Variants in GAB1 observed in about 807,000 individuals in gnomAD.
GAB1 encodes GRB2 associated binding protein 1, also known as GRB2-associated-binding protein 1.
A neutral mutation model predicts 66.5 loss-of-function variants in GAB1; 19 were observed. The ratio of observed to expected loss-of-function variants is 0.29; its 90% CI spans 0.20 to 0.42. The LOEUF (loss-of-function observed/expected upper bound fraction) is 0.42. Among genes scored for constraint, GAB1 ranks in the 10% least tolerant of loss-of-function variants. The probability of loss-of-function intolerance (pLI) is 1.00; values close to 1 mark genes in which losing one functional copy is unlikely to be tolerated. For missense variants in GAB1, 732 were observed against 858.5 expected (o/e 0.85, Z 1.84); for synonymous variants, 294 against 301.4 (o/e 0.98, Z 0.25).
At chr4:143,451,136 G>A (rs1459117715) in intron 6 of GAB1, among the ~76,000 whole-genome samples, 1 of 152,174 alleles carries the variant, frequency 6.6e-6, no homozygotes, top group Non-Finnish European at 1.5e-5. Context: ...CCGTGGAAGG[G>A]GCTGTGGTTG....
At chr4:143,406,626 C>CT (rs1732058676) in intron 1 of GAB1, among the ~76,000 whole-genome samples, 1 of 152,246 alleles carries the variant, frequency 6.6e-6, no homozygotes, top group African/African-American at 2.4e-5. Flanking sequence ...CCTGAGCTCA[C>CT]TGACTCTGAC....
chr4:143,468,057 A>G (rs28452291), intron 9 of GAB1, among the ~76,000 whole-genome samples: 78 of 152,290 alleles, frequency 5.1e-4, no homozygotes, highest in African/African-American at 1.9e-3. Context: ...GTTAGCTCTC[A>G]AAGTAAACAT....
intron 1 of GAB1, among the ~76,000 whole-genome samples, chr4:143,373,556 T>C (rs1258755985): frequency 6.6e-6 from 1 of 152,142 alleles, no homozygotes; most frequent in African/African-American, 2.4e-5. Context: ...AAGCCAGGCT[T>C]GGTGGCTCAC....
At chr4:143,461,648 G>A (rs1275207070) in intron 8 of GAB1, among the ~76,000 whole-genome samples, 3 of 152,282 alleles carry the variant, frequency 2.0e-5, no homozygotes, top group African/African-American at 4.8e-5. Flanking sequence ...GGAACAGTGG[G>A]CCCACCTAAA....
In GAB1 at chr4:143,364,474, A is replaced by G. The variant is rs528446578; in HGVS notation, c.72+27214A>G. ...TACACAGGCATAGACATACAAATTT[A>G]GTTTCAAGTAAGAATGAGAGTATAC... On this transcript the variant is annotated intron_variant, in intron 1 of 9. Transcript: ENST00000262994. Among the ~76,000 whole-genome samples the G allele has an allele frequency of 1.7e-3, 255 of 152,348 alleles. 2 individuals are homozygous for G. The highest frequency in any genetic ancestry group is 5.9e-3 in the African/African-American group (247 of 41,584).
At position 143,416,204 on chromosome 4, in the gene GAB1, G is replaced by C. The variant is rs1024089731; in HGVS notation, c.367+433G>C. Among the ~76,000 whole-genome samples, 18 of 151,736 alleles carry C rather than the reference G, an allele frequency of 1.2e-4. No homozygotes were observed. In the East Asian group the frequency reaches 3.5e-3, roughly 30 times the overall value. ...GTGGATCACGAGGTCAGGAGATCAA[G>C]ACCATCCTGGCTAACACAGTGAAAC... On this transcript the variant is annotated intron_variant, in intron 2 of 9. Transcript: ENST00000262994.
At chr4:143,423,790 GTGTATATATATATATATATATATATATA>G (rs1228619761) in intron 2 of GAB1, among the ~76,000 whole-genome samples, 1 of 33,404 alleles carries the variant, frequency 3.0e-5, no homozygotes, top group Non-Finnish European at 5.2e-5. Flanking sequence ...AAAAAAAAAA[GTGTATATATATATATATATATATATATA>G]TATATATATA....
intron 3 of GAB1, among the ~76,000 whole-genome samples, chr4:143,434,388 G>C (rs1733834611): frequency 7.0e-6 from 1 of 142,164 alleles, no homozygotes; most frequent in East Asian, 2.0e-4. Context: ...TTTTTTAGGA[G>C]ACAAGGGCTT....
intron 1 of GAB1, among the ~76,000 whole-genome samples, chr4:143,341,890 G>A (rs1728835223): frequency 6.6e-6 from 1 of 152,182 alleles, no homozygotes; most frequent in Admixed American, 6.5e-5. Flanking sequence ...GGACTGTCAT[G>A]TCTAGAAGCT....
At chr4:143,420,009 C>T (rs900071952) in intron 2 of GAB1, among the ~76,000 whole-genome samples, 1 of 152,130 alleles carries the variant, frequency 6.6e-6, no homozygotes, top group Non-Finnish European at 1.5e-5. Context: ...TAATCATATT[C>T]ATACAGTTTA....
chr4:143,433,835 T>G (rs1163437469), intron 3 of GAB1, 119 bp downstream of exon 3: 2 of 762,196 alleles, frequency 2.6e-6, no homozygotes, highest in East Asian at 5.3e-5. Flanking sequence ...AGACCATCTG[T>G]ATAGGCATAT....
At chr4:143,349,647 C>A (rs1729115059) in intron 1 of GAB1, 3 of 1,479,480 alleles carry the variant, frequency 2.0e-6, no homozygotes, top group Admixed American at 1.9e-5. Flanking sequence ...TCTTGTTCCC[C>A]CAGTAGCCTC....
chr4:143,410,608 A>G (rs549881504), intron 1 of GAB1, among the ~76,000 whole-genome samples: 6 of 152,234 alleles, frequency 3.9e-5, no homozygotes, highest in Non-Finnish European at 7.3e-5. Context: ...TGCTAAATAC[A>G]GGAAATGTTT....
chr4:143,449,096 A>G (rs1453650314), intron 6 of GAB1, among the ~76,000 whole-genome samples: 10 of 146,566 alleles, frequency 6.8e-5, no homozygotes, highest in African/African-American at 1.9e-4. Flanking sequence ...GTAGTTGAGC[A>G]GTTTTGAGTG....
chr4:143,360,482 G>A (rs1356619030), intron 1 of GAB1, among the ~76,000 whole-genome samples: 1 of 151,976 alleles, frequency 6.6e-6, no homozygotes, highest in African/African-American at 2.4e-5. Flanking sequence ...GATCTTTAAA[G>A]GACAAAATGG....
intron 1 of GAB1, among the ~76,000 whole-genome samples, chr4:143,342,849 C>T (rs1253928504): frequency 6.6e-6 from 1 of 152,018 alleles, no homozygotes; most frequent in Non-Finnish European, 1.5e-5. Context: ...AGGTGTGAGC[C>T]ACCGTGCCCA....
intron 1 of GAB1, among the ~76,000 whole-genome samples, chr4:143,382,804 G>C (rs181393214): frequency 6.6e-6 from 1 of 151,966 alleles, no homozygotes; most frequent in Non-Finnish European, 1.5e-5. Flanking sequence ...AAGTAAATAC[G>C]TGGCCTCAGA....
chr4:143,416,176 C>T (rs1732672848), intron 2 of GAB1, among the ~76,000 whole-genome samples: 2 of 152,084 alleles, frequency 1.3e-5, no homozygotes, highest in South Asian at 2.1e-4. Flanking sequence ...GAGGCCGAGG[C>T]GGGTGGATCA....
At chr4:143,389,548 A>G (rs2149685053) in intron 1 of GAB1, among the ~76,000 whole-genome samples, 1 of 152,300 alleles carries the variant, frequency 6.6e-6, no homozygotes. Context: ...GGGAAAGTGC[A>G]GGGGTCTCTT....
Sources: gnomAD v4.1 joint callset for allele counts (sites outside exome capture counted in the v4.1 genomes callset) on GRCh38, gnomAD v4.1.1 for gene constraint, MANE v1.5 for transcripts, NCBI Gene and HGNC (gene_info 2026-07-23, HGNC 2026-07-21) for gene names.